The following FAM186B variants were observed in gnomAD, a reference collection of about 807,000 sequenced individuals.
FAM186B encodes the protein family with sequence similarity 186 member B, also known as protein FAM186B.
A neutral mutation model predicts 83.4 loss-of-function variants in FAM186B; 68 were observed. The ratio of observed to expected loss-of-function variants is 0.81; its 90% CI spans 0.67 to 1.00. The LOEUF (loss-of-function observed/expected upper bound fraction) is 1.00. Ranked by LOEUF, FAM186B falls within the 50% of genes least tolerant of loss-of-function variation. The pLI is 0.00. For missense variants in FAM186B, 983 were observed against 1,099.2 expected (o/e 0.89, Z 1.49); for synonymous variants, 389 against 422.0 (o/e 0.92, Z 0.96).
At chr12:49,587,933 T>C (rs1939486745) in intron 6 of FAM186B, among the ~76,000 whole-genome samples, 181 bp from the exon 7 acceptor site, 2 of 152,204 alleles carry the variant, frequency 1.3e-5, no homozygotes, top group African/African-American at 4.8e-5. Context: ...TTGGGGCTCC[T>C]CTGGCTGAGG....
downstream of FAM186B, chr12:49,584,679 C>T: frequency 1.4e-6 from 1 of 699,344 alleles, no homozygotes. Context: ...CATGTGAGTG[C>T]CATCCCACAC....
At chr12:49,614,277 A>G in the FAM186B span, among the ~76,000 whole-genome samples, 1 of 152,260 alleles carries the variant, frequency 6.6e-6, no homozygotes, top group Non-Finnish European at 1.5e-5. Context: ...ACTCATATCC[A>G]TCACAGTGCC....
At chr12:49,594,942 C>T (rs1472047330) in intron 5 of FAM186B, among the ~76,000 whole-genome samples, 2 of 151,354 alleles carry the variant, frequency 1.3e-5, no homozygotes, top group Non-Finnish European at 2.9e-5. Context: ...TGGTATAGAA[C>T]TTGCATCCAG....
upstream of FAM186B, among the ~76,000 whole-genome samples, chr12:49,606,315 G>A (rs1424607174): frequency 6.6e-6 from 1 of 151,536 alleles, no homozygotes; most frequent in South Asian, 2.1e-4. Context: ...GCAACATGGT[G>A]AGAGCCTAGC....
the FAM186B span, among the ~76,000 whole-genome samples, chr12:49,613,425 G>T: frequency 1.3e-5 from 2 of 151,964 alleles, no homozygotes; most frequent in South Asian, 4.2e-4. Flanking sequence ...TACTCAGGAG[G>T]CTGAGGCAGG....
chr12:49,600,750 A>G lies in FAM186B; in HGVS notation c.890T>C (p.Val297Ala). The stretch of plus-strand genomic sequence containing the variant: ...ATGGTACCTTCCCCCTAAGATCTCT[A>G]CCTGCTTCAGCAGAGCATCCCTCCT... Reference protein sequence around the residue: ...ESRRDALLKQVEILGGRYHDL... With the variant: ...ESRRDALLKQAEILGGRYHDL... The change falls in exon 4 of 7, where the codon GTA (valine) becomes GCA (alanine). Residue 297 changes from valine to alanine, a missense_variant. Physicochemically the swap from Val to Ala is moderately conservative, Grantham distance 64 (BLOSUM62 0). Coordinates refer to ENST00000257894, the MANE Select transcript of FAM186B (RefSeq NM_032130.3). The surrounding 1 kb of genome is among the most constrained non-coding windows in gnomAD (Gnocchi z 4.3). The G allele has an allele frequency of 6.2e-7, 1 of 1,614,010 alleles. No homozygotes were observed. Among genetic ancestry groups the G allele is most frequent in the South Asian group, 1.1e-5 (1 of 91,062 alleles).
chr12:49,594,929 A>G (rs1939679450), intron 5 of FAM186B, among the ~76,000 whole-genome samples: 1 of 152,106 alleles, frequency 6.6e-6, no homozygotes, highest in African/African-American at 2.4e-5. Flanking sequence ...CGAAATACAG[A>G]TCTGGTATAG....
At chr12:49,621,201 G>T in the FAM186B span, among the ~76,000 whole-genome samples, 1 of 152,102 alleles carries the variant, frequency 6.6e-6, no homozygotes, top group Non-Finnish European at 1.5e-5. Context: ...TGGCCAGCAT[G>T]GTGAAACCCC....
At chr12:49,605,273 C>A (rs1447301390) in intron 1 of FAM186B, 109 bp downstream of exon 1, 1 of 1,541,388 alleles carries the variant, frequency 6.5e-7, no homozygotes, top group South Asian at 1.2e-5. Flanking sequence ...GCTGAATATC[C>A]CAGGGCCTCT....
At position 49,604,406 on chromosome 12, in the gene FAM186B, A is replaced by G. The variant is rs779517252; in HGVS notation, c.229T>C (p.Phe77Leu). The G allele has an allele frequency of 2.5e-6, 4 of 1,614,034 alleles. No homozygotes were observed. Among genetic ancestry groups the G allele is most frequent in the South Asian group, 2.2e-5 (2 of 91,086 alleles). The change falls in exon 2 of 7, where the codon TTC (phenylalanine) becomes CTC (leucine). Residue 77 changes from phenylalanine (F) to leucine (L), a missense_variant. Coordinates refer to ENST00000257894, the MANE Select transcript of FAM186B (RefSeq NM_032130.3). ...QQRDPKGKKR[F>L]ILLEKIASFS... Reference sequence around the variant, plus strand: ...GAGGCAATTTTTTCCAGCAAGATGAATCTCTTCTTGCCCTTTGGATCTCTC... The same window carrying G: ...GAGGCAATTTTTTCCAGCAAGATGAGTCTCTTCTTGCCCTTTGGATCTCTC...
chr12:49,598,734 G>T (rs1449625605), intron 5 of FAM186B, 21 bp downstream of exon 5: 6 of 1,549,312 alleles, frequency 3.9e-6, no homozygotes, highest in Admixed American at 1.9e-5. Flanking sequence ...AGTGGCGGGG[G>T]GGTCAGGGCG....
downstream of FAM186B, among the ~76,000 whole-genome samples, chr12:49,587,334 G>T (rs545347624): frequency 1.1e-4 from 17 of 152,212 alleles, no homozygotes; most frequent in African/African-American, 4.1e-4. Flanking sequence ...TTTATGTGCA[G>T]CCCAGGAGGC....
At chr12:49,586,976 C>G (rs1939456953), downstream of FAM186B, among the ~76,000 whole-genome samples, 1 of 152,220 alleles carries the variant, frequency 6.6e-6, no homozygotes, top group African/African-American at 2.4e-5. Flanking sequence ...GGATCTGTAA[C>G]TGACACAGGG....
intron 2 of FAM186B, 194 bp downstream of exon 2, chr12:49,604,119 T>C: frequency 1.7e-6 from 1 of 574,562 alleles, no homozygotes; most frequent in Non-Finnish European, 3.1e-6. Context: ...GGCTTCATCA[T>C]ATATTCAGCT....
chr12:49,620,398 G>A, the FAM186B span, among the ~76,000 whole-genome samples: 13,436 of 152,000 alleles, frequency 0.088, 705 homozygotes, highest in African/African-American at 0.14. Flanking sequence ...GGCTGGGCGC[G>A]GTGGCTCACA....
the FAM186B span, among the ~76,000 whole-genome samples, chr12:49,612,166 G>A: frequency 2.0e-5 from 3 of 151,896 alleles, no homozygotes; most frequent in African/African-American, 7.3e-5. Context: ...CAGTCTAAAC[G>A]GCCCACTTAA....
In FAM186B at chr12:49,601,034, C is replaced by G. The variant is rs181515333; in HGVS notation, c.606G>C (p.Gln202His). Reference protein sequence around the residue: ...PLSPEQMLQDQHTMNTKASEV... With the variant: ...PLSPEQMLQDHHTMNTKASEV... ...CCGAGGCCTTCGTGTTCATGGTATGCTGGTCCTGGAGCATCTGTTCTGGGC... is the reference window on the plus strand; with the variant it reads ...CCGAGGCCTTCGTGTTCATGGTATGGTGGTCCTGGAGCATCTGTTCTGGGC... The change falls in exon 4 of 7, where the codon CAG (glutamine) becomes CAC (histidine). Residue 202 changes from glutamine (Q) to histidine (H), a missense_variant. Transcript: ENST00000257894. The G allele has an allele frequency of 6.2e-7, 1 of 1,614,134 alleles. No homozygotes were observed. Among genetic ancestry groups the G allele is most frequent in the Non-Finnish European group, 8.5e-7 (1 of 1,179,984 alleles).
chr12:49,605,398 A>T lies in FAM186B; in HGVS notation c.80T>A (p.Leu27Gln). ...AGGGGCTACCTCTTGAGCCCGAGTT[A>T]GCTGGGCAGCCTCAATCCTCAGGAT... ...AIILRIEAAQ[L>Q]TRAQEDISTQ... Residue 27 changes from leucine (L) to glutamine (Q), a missense_variant, in exon 1 of 7, where the codon CTA (leucine) becomes CAA (glutamine). Coordinates refer to ENST00000257894, the MANE Select transcript of FAM186B (RefSeq NM_032130.3). The T allele has an allele frequency of 6.2e-7, 1 of 1,613,428 alleles. No homozygotes were observed. The highest frequency in any genetic ancestry group is 8.5e-7 in the Non-Finnish European group (1 of 1,179,798).
At position 49,604,295 on chromosome 12, in the gene FAM186B, C is replaced by A; in HGVS notation, c.322+18G>T. The A allele has an allele frequency of 6.2e-7, 1 of 1,605,768 alleles. No homozygotes were observed. The highest frequency in any genetic ancestry group is 8.5e-7 in the Non-Finnish European group (1 of 1,172,962). On this transcript the variant is annotated intron_variant, in intron 2 of 6. Transcript: ENST00000257894. ...CTCCCCTCCCAGAGGAGGCACGGTG[C>A]CCAGCCTGCAAACTCACCCCAGTCA...
Sources: allele counts gnomAD v4.1 joint callset (sites outside exome capture counted in the v4.1 genomes callset), GRCh38; gene constraint gnomAD v4.1.1; non-coding constraint Gnocchi (gnomAD v3.1); transcripts MANE v1.5; gene names NCBI Gene and HGNC (gene_info 2026-07-23, HGNC 2026-07-21).